DNAH3: variants seen among roughly 807,000 people sequenced by gnomAD.
DNAH3 encodes axonemal beta dynein heavy chain 3.
In DNAH3, 332 loss-of-function variants were observed where a neutral mutation model predicts 432.5. The observed-to-expected ratio is 0.77, with a 90% CI of 0.70 to 0.84. The LOEUF (loss-of-function observed/expected upper bound fraction) is 0.84, where lower values mean the gene tolerates loss of function less well. Ranked by LOEUF, DNAH3 falls within the 40% of genes least tolerant of loss-of-function variation. The probability of loss-of-function intolerance (pLI) is 0.00; values close to 1 mark genes in which losing one functional copy is unlikely to be tolerated. For synonymous variants in DNAH3, 1,956 were observed against 1,900.2 expected (o/e 1.03, Z -0.76); for missense variants, 4,861 against 5,114.0 (o/e 0.95, Z 1.51).
chr16:21,052,206 GGTCTC>G (rs1211857063), intron 28 of DNAH3, among the ~76,000 whole-genome samples: 3 of 152,092 alleles, frequency 2.0e-5, no homozygotes, highest in Non-Finnish European at 4.4e-5. Context: ...TGGCCAGGCT[GGTCTC>G]CAACTTCTAA....
exon 18 of DNAH3, chr16:21,097,373 A>T (rs1275489822): frequency 6.2e-7 from 1 of 1,613,854 alleles, no homozygotes; most frequent in South Asian, 1.1e-5. Context: ...CATTCCTCTG[A>T]CTTGATGCTG....
exon 22 of DNAH3, chr16:21,070,777 T>C: frequency 6.2e-7 from 1 of 1,613,598 alleles, no homozygotes; most frequent in Non-Finnish European, 8.5e-7. Context: ...TATCACGTGA[T>C]CATCAAGTAG....
At chr16:20,979,414 G>C in exon 50 of DNAH3, 1 of 1,614,168 alleles carries the variant, frequency 6.2e-7, no homozygotes, top group Non-Finnish European at 8.5e-7. Flanking sequence ...TGCTATTCAG[G>C]AGCGTCTTGA....
chr16:21,156,774 C>T (rs111844637), intron 1 of DNAH3, among the ~76,000 whole-genome samples: 1 of 152,010 alleles, frequency 6.6e-6, no homozygotes, highest in Admixed American at 6.6e-5. Context: ...GGATCCCAGC[C>T]CTGGAGGAAC....
At chr16:21,079,547 C>G in intron 20 of DNAH3, among the ~76,000 whole-genome samples, 1 of 152,028 alleles carries the variant, frequency 6.6e-6, no homozygotes, top group South Asian at 2.1e-4. Flanking sequence ...CACTTGAACC[C>G]AGGAGGCGGA....
exon 18 of DNAH3, chr16:21,097,439 C>A (rs2091715899): frequency 1.2e-6 from 2 of 1,613,854 alleles, no homozygotes; most frequent in Non-Finnish European, 1.7e-6. Context: ...TTCAGCATGG[C>A]CTGCAGAAGA....
At chr16:20,972,337 C>T (rs150980684) in intron 51 of DNAH3, among the ~76,000 whole-genome samples, 72 of 152,018 alleles carry the variant, frequency 4.7e-4, no homozygotes, top group African/African-American at 1.7e-3. Context: ...AGTGATCCTC[C>T]TGTCTCAGGC....
At chr16:21,042,927 T>C (rs1315644751) in intron 31 of DNAH3, among the ~76,000 whole-genome samples, 2 of 152,126 alleles carry the variant, frequency 1.3e-5, no homozygotes, top group Non-Finnish European at 2.9e-5. Context: ...CGGTGTTTGG[T>C]TTTTTGTTCT....
chr16:21,132,949 C>T (rs2092588193), intron 7 of DNAH3, among the ~76,000 whole-genome samples: 1 of 143,120 alleles, frequency 7.0e-6, no homozygotes, highest in Non-Finnish European at 1.5e-5. Flanking sequence ...CTCATCTGGA[C>T]TCCTACAATT....
intron 49 of DNAH3, among the ~76,000 whole-genome samples, chr16:20,980,379 G>A (rs1336154886): frequency 3.3e-5 from 4 of 123,008 alleles, no homozygotes; most frequent in Admixed American, 1.8e-4. Flanking sequence ...TATATGTGGG[G>A]GGGGAGAGAG....
At chr16:20,967,099 A>C (rs1269263725) in intron 52 of DNAH3, among the ~76,000 whole-genome samples, 1 of 152,182 alleles carries the variant, frequency 6.6e-6, no homozygotes, top group Admixed American at 6.6e-5. Flanking sequence ...CAGCAGGTCA[A>C]ATGTGTCCCA....
At chr16:20,981,997 TA>T (rs1241603109) in intron 49 of DNAH3, among the ~76,000 whole-genome samples, 7 of 103,008 alleles carry the variant, frequency 6.8e-5, no homozygotes, top group African/African-American at 3.0e-4. Flanking sequence ...AGCACATATA[TA>T]ATATATAATA....
intron 3 of DNAH3, among the ~76,000 whole-genome samples, chr16:21,142,759 T>G (rs2092736981): frequency 6.6e-6 from 1 of 151,554 alleles, no homozygotes; most frequent in South Asian, 2.1e-4. Flanking sequence ...GCTCAGGTGA[T>G]CCTCCCACCT....
At chr16:21,126,146 AGAGT>A (rs1216587800) in intron 8 of DNAH3, among the ~76,000 whole-genome samples, 2 of 151,898 alleles carry the variant, frequency 1.3e-5, no homozygotes, top group Non-Finnish European at 2.9e-5. Flanking sequence ...CTTGAGTGAC[AGAGT>A]GAGTGAAACT....
intron 50 of DNAH3, among the ~76,000 whole-genome samples, chr16:20,977,504 G>A (rs900982449): frequency 2.6e-5 from 4 of 152,196 alleles, no homozygotes; most frequent in African/African-American, 7.2e-5. Context: ...CAGACAAACA[G>A]GGTTGGGTTT....
chr16:21,049,466 G>T (rs2089861083), intron 31 of DNAH3, 103 bp downstream of exon 31: 2 of 840,524 alleles, frequency 2.4e-6, no homozygotes, highest in South Asian at 1.6e-5. Flanking sequence ...TCTTGTGTCT[G>T]CCATACAAGA....
intron 57 of DNAH3, among the ~76,000 whole-genome samples, chr16:20,946,917 T>C (rs2152572385): frequency 6.9e-6 from 1 of 145,342 alleles, no homozygotes; most frequent in East Asian, 2.1e-4. Flanking sequence ...CTATGCCTCC[T>C]GGGCTCAAGC....
chr16:21,062,884 T>C (rs1428936639), intron 24 of DNAH3: 8 of 571,216 alleles, frequency 1.4e-5, no homozygotes, highest in Admixed American at 6.3e-5. Context: ...GATGAGGTCT[T>C]GCCATATTGC....
chr16:21,092,306 T>C (rs779491890), intron 18 of DNAH3, among the ~76,000 whole-genome samples: 22 of 151,980 alleles, frequency 1.4e-4, no homozygotes, highest in African/African-American at 2.7e-4. Flanking sequence ...CATCCAAAAA[T>C]AGAACCACAC....
Sources: gnomAD v4.1 joint callset for allele counts (sites outside exome capture counted in the v4.1 genomes callset) on GRCh38, gnomAD v4.1.1 for gene constraint, MANE v1.5 for transcripts, NCBI Gene and HGNC (gene_info 2026-07-23, HGNC 2026-07-21) for gene names.